The following NCAPG2 variants were observed in gnomAD, a reference collection of about 807,000 sequenced individuals.
NCAPG2 encodes non-SMC condensin II complex subunit G2.
NCAPG2 carries 53 observed loss-of-function variants against 141.1 expected under a neutral mutation model. The observed-to-expected ratio is 0.38, with a 90% CI of 0.30 to 0.47. The LOEUF is 0.47. Ranked by LOEUF, NCAPG2 falls within the 20% of genes least tolerant of loss-of-function variation. The pLI is 0.99. For synonymous variants in NCAPG2, 499 were observed against 490.7 expected, an observed-to-expected ratio of 1.02 and a Z score of -0.22; for missense variants, 1,087 against 1,389.0, an observed-to-expected ratio of 0.78 and a Z score of 3.46.
rs1833414326 is a variant in NCAPG2, at chr7:158,668,342, A to AACTGGGTCCCTTCGCCCTCCTTACCCACT, written c.1479+3171_1479+3172insAGTGGGTAAGGAGGGCGAAGGGACCCAGT. On this transcript the variant is annotated intron_variant, in intron 13 of 27. Transcript: ENST00000356309. ...GGTCCCTCCGCCCTCCCTTACCCAC[A>AACTGGGTCCCTTCGCCCTCCTTACCCACT]ACTGGGTCCCTCCGCCCTCCTTACC... 4.7e-6 allele frequency: 3 copies of AACTGGGTCCCTTCGCCCTCCTTACCCACT among 642,500 alleles called. No homozygotes were observed. The African/African-American group carries it at 1.6e-4, about 34-fold the overall frequency. 39.8% of individuals were successfully genotyped at this position (642,500 alleles called of 1,614,324 possible).
Position 158,690,564 on chromosome 7 carries a change from A to G in NCAPG2, c.537+4T>C, listed in dbSNP as rs7794491. 4,908 of 1,612,846 alleles carry G rather than the reference A, an allele frequency of 3.0e-3. 118 individuals are homozygous for G. In the African/African-American group the frequency reaches 0.055, roughly 18 times the overall value. ...GTCTTTAAAAAAATAAAAAGTGAGC[A>G]TACTGTCTTAGTCTCCAGACTCCTC... On this transcript the variant is annotated splice_donor_region_variant and intron_variant, in intron 5 of 27. Transcript: ENST00000356309.
intron 11 of NCAPG2, among the ~76,000 whole-genome samples, chr7:158,678,993 C>T (rs898201664): frequency 6.6e-6 from 1 of 152,172 alleles, no homozygotes; most frequent in Non-Finnish European, 1.5e-5. Context: ...GCCACCACAC[C>T]GGGCTGTTTT....
chr7:158,637,993 A>T (rs1003663341), intron 27 of NCAPG2, among the ~76,000 whole-genome samples: 1 of 151,972 alleles, frequency 6.6e-6, no homozygotes. Context: ...AAAATACAAA[A>T]ATTAGCCGGG....
chr7:158,666,570 TTTCA>T (rs1004560526), intron 13 of NCAPG2, among the ~76,000 whole-genome samples: 1 of 151,226 alleles, frequency 6.6e-6, no homozygotes, highest in Non-Finnish European at 1.5e-5. Flanking sequence ...CCACGCTGCC[TTTCA>T]TTATCACACA....
At chr7:158,659,224 A>G (rs1487533589) in intron 16 of NCAPG2, among the ~76,000 whole-genome samples, 6 of 150,610 alleles carry the variant, frequency 4.0e-5, no homozygotes, top group Non-Finnish European at 8.9e-5. Flanking sequence ...AACTACTCGG[A>G]AGGCTGGGGC....
intron 27 of NCAPG2, chr7:158,641,304 T>TTGAATTATA: frequency 2.5e-6 from 1 of 393,930 alleles, no homozygotes; most frequent in East Asian, 3.6e-5. Context: ...AATAATCACT[T>TTGAATTATA]TGAATATGGT....
At chr7:158,637,588 C>CGGCT (rs1259812010) in intron 27 of NCAPG2, among the ~76,000 whole-genome samples, 77 of 1,832 alleles carry the variant, frequency 0.042, 1 homozygote, top group Middle Eastern at 0.12. Context: ...CCAGCAGCTC[C>CGGCT]CCAGCACCTC....
In NCAPG2 at chr7:158,692,960, T is replaced by C. The variant is rs768275429; in HGVS notation, c.268-4A>G. On this transcript the variant is annotated splice_polypyrimidine_tract_variant and splice_region_variant and intron_variant, in intron 3 of 27. Coordinates refer to ENST00000356309, the MANE Select transcript of NCAPG2 (RefSeq NM_017760.7). Reference sequence around the variant, plus strand: ...AAATTATTTCTATGCTTTTTCTCTATAAATGAAAAATCAAAGCATGAGTGA... The same window carrying C: ...AAATTATTTCTATGCTTTTTCTCTACAAATGAAAAATCAAAGCATGAGTGA... 4.7e-6 allele frequency: 7 copies of C among 1,499,976 alleles called. No homozygotes were observed. The highest frequency in any genetic ancestry group is 5.5e-6 in the Non-Finnish European group (6 of 1,094,486). 92.9% of individuals were successfully genotyped at this position (1,499,976 alleles called of 1,614,324 possible). A position where few individuals can be genotyped will look rare whatever the true frequency, so the allele number is the denominator to read the frequency against.
In NCAPG2 at chr7:158,666,993, G is replaced by GC. The variant is rs1833011611; in HGVS notation, c.1480-2244_1480-2243insG. 2.6e-5 allele frequency: 9 copies of GC among 346,986 alleles called. No individual in the cohort carries two copies. The South Asian group carries it at 5.8e-4, about 22-fold the overall frequency. 21.5% of individuals were successfully genotyped at this position (346,986 alleles called of 1,614,324 possible). On this transcript the variant is annotated intron_variant, in intron 13 of 27. Coordinates refer to ENST00000356309, the MANE Select transcript of NCAPG2 (RefSeq NM_017760.7). ...GCCAGGCCCGGCAGCCTGGCTTCATGTGCCAGGTTGTTCCTGCCCATAGAC... is the reference window on the plus strand; with the variant it reads ...GCCAGGCCCGGCAGCCTGGCTTCATGCTGCCAGGTTGTTCCTGCCCATAGAC...
intron 16 of NCAPG2, among the ~76,000 whole-genome samples, chr7:158,658,848 C>T (rs576586211): frequency 4.6e-5 from 7 of 152,012 alleles, no homozygotes; most frequent in Non-Finnish European, 8.8e-5. Flanking sequence ...TGTTATAAAA[C>T]AAAATCAGAA....
intron 12 of NCAPG2, among the ~76,000 whole-genome samples, chr7:158,674,429 G>A (rs1316469979): frequency 6.6e-6 from 1 of 152,034 alleles, no homozygotes; most frequent in Non-Finnish European, 1.5e-5. Flanking sequence ...TGGGACTACA[G>A]GTACACACCA....
rs1834744778 is a variant in NCAPG2 at position 158,686,205 on chromosome 7, T to A, written c.804A>T (p.Arg268Ser). 1 of 1,580,414 alleles carries A rather than the reference T, an allele frequency of 6.3e-7. No individual in the cohort carries two copies. The highest frequency in any genetic ancestry group is 1.4e-5 in the African/African-American group (1 of 73,242). The change falls in exon 8 of 28, where the codon AGA (arginine) becomes AGT (serine). Residue 268 changes from arginine (R) to serine (S), a missense_variant. Transcript: ENST00000356309. The stretch of plus-strand genomic sequence containing the variant: ...TTTTCCCTGAAGCCTTTTTCCAAGC[T>A]CTGAAATAAATTTCTGCAATGTATA... ...LMVYIAEIYF[R>S]AWKKASGKIL...
At chr7:158,680,854 A>G in intron 9 of NCAPG2, 38 bp from the exon 10 acceptor site, 2 of 1,403,734 alleles carry the variant, frequency 1.4e-6, no homozygotes, top group Non-Finnish European at 2.0e-6. Context: ...GCATTAACAA[A>G]AAAATAAATA....
At chr7:158,647,288 G>A (rs1484366038) in intron 24 of NCAPG2, among the ~76,000 whole-genome samples, 1 of 152,206 alleles carries the variant, frequency 6.6e-6, no homozygotes, top group Non-Finnish European at 1.5e-5. Context: ...GTTGGAGGCT[G>A]AAGAGCATCC....
intron 21 of NCAPG2, 89 bp from the exon 22 acceptor site, chr7:158,654,783 T>C (rs893746107): frequency 2.0e-6 from 3 of 1,495,186 alleles, no homozygotes; most frequent in Middle Eastern, 3.7e-4. Context: ...ATCCATGTGC[T>C]AGTTATCTTA....
At chr7:158,670,512 C>G (rs2129464160) in intron 13 of NCAPG2, among the ~76,000 whole-genome samples, 1 of 152,284 alleles carries the variant, frequency 6.6e-6, no homozygotes, top group South Asian at 2.1e-4. Context: ...AGATCACACC[C>G]CAGCACTCTA....
At chr7:158,671,407 CAT>C (rs1460121809) in intron 13 of NCAPG2, 105 bp downstream of exon 13, 6 of 1,323,918 alleles carry the variant, frequency 4.5e-6, no homozygotes, top group Non-Finnish European at 5.4e-6. Context: ...CTGGTCAAAT[CAT>C]ATCAGTTATC....
chr7:158,662,341 G>T lies in NCAPG2; in HGVS notation c.1842C>A (p.Asn614Lys), dbSNP rs368695018. The T allele has an allele frequency of 9.0e-5, 143 of 1,588,518 alleles. No homozygotes were observed. The highest frequency in any genetic ancestry group is 1.1e-4 in the Non-Finnish European group (128 of 1,169,136). The change falls in exon 16 of 28, where the codon AAC becomes AAA. Residue 614 changes from asparagine (N) to lysine (K), a missense_variant. Coordinates refer to ENST00000356309, the MANE Select transcript of NCAPG2 (RefSeq NM_017760.7). The stretch of plus-strand genomic sequence containing the variant: ...GTAAACCTGCCATGCATGCAACATC[G>T]TTTACTGACAGTGTTTTGTCCAGAA... ...VTVLDKTLSV[N>K]DVACMAGLLE... is the part of the protein sequence containing the mutation.
chr7:158,664,914 A>T (rs1832801970), intron 13 of NCAPG2, among the ~76,000 whole-genome samples, 164 bp from the exon 14 acceptor site: 1 of 152,198 alleles, frequency 6.6e-6, no homozygotes, highest in Non-Finnish European at 1.5e-5. Context: ...TCTGTAGAGA[A>T]ATTAGAATTA....
Sources: gnomAD v4.1 joint callset for allele counts (sites outside exome capture counted in the v4.1 genomes callset) on GRCh38, gnomAD v4.1.1 for gene constraint, MANE v1.5 for transcripts, NCBI Gene and HGNC (gene_info 2026-07-23, HGNC 2026-07-21) for gene names.